VPS13D: variants seen among roughly 807,000 people sequenced by gnomAD.
VPS13D encodes vacuolar protein sorting 13 homolog D.
VPS13D carries 187 observed loss-of-function variants against 461.9 expected under a neutral mutation model. The observed-to-expected ratio is 0.40, with a 90% CI of 0.36 to 0.46. VPS13D has a LOEUF of 0.46. Ranked by LOEUF, VPS13D falls within the 20% of genes least tolerant of loss-of-function variation. VPS13D has a pLI of 0.60. For missense variants in VPS13D, 4,711 were observed against 5,364.9 expected, an observed-to-expected ratio of 0.88 and a Z score of 3.81; for synonymous variants, 1,951 against 1,986.3, an observed-to-expected ratio of 0.98 and a Z score of 0.47.
chr1:12,427,840 T>C (rs1644942162), intron 65 of VPS13D, among the ~76,000 whole-genome samples: 1 of 152,190 alleles, frequency 6.6e-6, no homozygotes. Context: ...AATGCCAGTG[T>C]TGTCTGTGAG....
At chr1:12,457,235 T>C (rs771911592) in intron 66 of VPS13D, among the ~76,000 whole-genome samples, 12 of 152,254 alleles carry the variant, frequency 7.9e-5, no homozygotes, top group Non-Finnish European at 1.3e-4. Context: ...CACACAGCTA[T>C]GTACTGCTTC....
intron 21 of VPS13D, among the ~76,000 whole-genome samples, chr1:12,285,262 T>G (rs1367251023): frequency 1.3e-5 from 2 of 150,542 alleles, no homozygotes; most frequent in African/African-American, 2.4e-5. Context: ...GTATTTTATT[T>G]TATGTATTTA....
At chr1:12,480,384 C>G (rs1221494677) in intron 67 of VPS13D, among the ~76,000 whole-genome samples, 1 of 152,150 alleles carries the variant, frequency 6.6e-6, no homozygotes, top group Non-Finnish European at 1.5e-5. Flanking sequence ...GTTTGGGTGC[C>G]ACGGATCCTG....
chr1:12,376,849 A>G (rs183892981), intron 55 of VPS13D, among the ~76,000 whole-genome samples: 1 of 152,210 alleles, frequency 6.6e-6, no homozygotes. Flanking sequence ...AATGATACAG[A>G]TTGTGCTAGA....
intron 63 of VPS13D, among the ~76,000 whole-genome samples, chr1:12,408,507 G>A (rs566078760): frequency 1.3e-5 from 2 of 152,258 alleles, no homozygotes; most frequent in African/African-American, 2.4e-5. Context: ...GGGATTATAG[G>A]TGCGTGCCAC....
chr1:12,290,764 C>T (rs1317924665), intron 22 of VPS13D, among the ~76,000 whole-genome samples: 2 of 151,892 alleles, frequency 1.3e-5, no homozygotes, highest in African/African-American at 4.8e-5. Flanking sequence ...TATTTCAGTC[C>T]CCTTTGGACT....
At chr1:12,385,471 A>G in intron 59 of VPS13D, 98 bp downstream of exon 59, 2 of 927,460 alleles carry the variant, frequency 2.2e-6, no homozygotes, top group Non-Finnish European at 3.2e-6. Flanking sequence ...TCTATCCTGT[A>G]TGATTCTAAA....
At chr1:12,327,134 C>T (rs1446607924) in intron 35 of VPS13D, among the ~76,000 whole-genome samples, 1 of 152,116 alleles carries the variant, frequency 6.6e-6, no homozygotes, top group African/African-American at 2.4e-5. Flanking sequence ...TGCTGTCGGG[C>T]ACAAAGAGAT....
At chr1:12,308,803 T>C (rs1307676462) in intron 27 of VPS13D, among the ~76,000 whole-genome samples, 162 bp downstream of exon 27, 1 of 151,844 alleles carries the variant, frequency 6.6e-6, no homozygotes, top group East Asian at 1.9e-4. Context: ...AGGCACATGC[T>C]ACCATGCCCG....
chr1:12,447,166 C>T (rs977785835), intron 65 of VPS13D, among the ~76,000 whole-genome samples: 11 of 152,108 alleles, frequency 7.2e-5, no homozygotes, highest in Admixed American at 7.2e-4. Flanking sequence ...GTCAGTTCTG[C>T]TACTTGGGAG....
intron 67 of VPS13D, among the ~76,000 whole-genome samples, chr1:12,472,078 C>T (rs1645569898): frequency 6.6e-6 from 1 of 152,172 alleles, no homozygotes; most frequent in South Asian, 2.1e-4. Context: ...ATTTTTGTCT[C>T]TAAGCTATTT....
At chr1:12,353,308 C>A (rs1432933666) in intron 46 of VPS13D, among the ~76,000 whole-genome samples, 1 of 151,898 alleles carries the variant, frequency 6.6e-6, no homozygotes, top group East Asian at 1.9e-4. Context: ...CCAAGGCAGG[C>A]AGATCACGAG....
At position 12,510,007 on chromosome 1, in the gene VPS13D, A is replaced by G. The variant is rs1646161929; in HGVS notation, c.*983A>G. On this transcript the variant is annotated 3_prime_UTR_variant, in exon 70 of 70. Coordinates refer to ENST00000620676, the MANE Select transcript of VPS13D (RefSeq NM_015378.4). ...AAGCCCCGGGACTGTTTTCTTTTTA[A>G]TAAAGCCACAGGCAGGCATCGTAGC... The G allele has an allele frequency of 6.6e-6, 1 of 152,264 alleles. No individual in the cohort carries two copies. Among genetic ancestry groups the G allele is most frequent in the Non-Finnish European group, 1.5e-5 (1 of 68,046 alleles). The allele number at this position is 152,264 out of a possible 1,614,324, so 9.4% of individuals were successfully genotyped here. A position where few individuals can be genotyped will look rare whatever the true frequency, so the allele number is the denominator to read the frequency against.
intron 33 of VPS13D, 73 bp from the exon 34 acceptor site, chr1:12,322,463 T>G: frequency 7.0e-7 from 1 of 1,437,862 alleles, no homozygotes; most frequent in Non-Finnish European, 9.7e-7. Context: ...AAATAGGAAT[T>G]ACATCTGTAA....
chr1:12,454,424 G>A (rs1645300069), intron 65 of VPS13D, among the ~76,000 whole-genome samples: 2 of 152,220 alleles, frequency 1.3e-5, no homozygotes, highest in Admixed American at 1.3e-4. Flanking sequence ...CATTAGACAG[G>A]CAGTGATATG....
intron 2 of VPS13D, among the ~76,000 whole-genome samples, chr1:12,238,959 T>G (rs1268963779): frequency 1.3e-5 from 2 of 152,006 alleles, no homozygotes; most frequent in Non-Finnish European, 2.9e-5. Context: ...TAGTCCCTGA[T>G]CTCAGAGGAC....
chr1:12,433,629 G>A (rs907600894), intron 65 of VPS13D, among the ~76,000 whole-genome samples: 1 of 152,196 alleles, frequency 6.6e-6, no homozygotes, highest in Non-Finnish European at 1.5e-5. Context: ...GAAAACAGTC[G>A]GCAGCTCCTG....
Position 12,400,288 on chromosome 1 carries a change from A to C in VPS13D, c.11742A>C (p.Ala3914=). ...IETGPAVQVN[A]VKFPSKSALT... ...CCGGCCCAGCTGTGCAAGTCAACGC[A>C]GTGAAGTTCCCCAGTAAGAGTGCAC... Residue 3914 remains alanine, a synonymous_variant, in exon 61 of 70, where the codon GCA becomes GCC. Coordinates refer to ENST00000620676, the MANE Select transcript of VPS13D (RefSeq NM_015378.4). The C allele has an allele frequency of 6.2e-7, 1 of 1,614,168 alleles. No individual in the cohort carries two copies. The highest frequency in any genetic ancestry group is 8.5e-7 in the Non-Finnish European group (1 of 1,180,028).
chr1:12,266,037 C>T (rs1477422532), intron 13 of VPS13D, among the ~76,000 whole-genome samples: 2 of 152,076 alleles, frequency 1.3e-5, no homozygotes, highest in Non-Finnish European at 2.9e-5. Context: ...GTGACATGCT[C>T]CTGTAGTCCT....
Sources: allele counts gnomAD v4.1 joint callset (sites outside exome capture counted in the v4.1 genomes callset), GRCh38; gene constraint gnomAD v4.1.1; transcripts MANE v1.5; gene names NCBI Gene and HGNC (gene_info 2026-07-23, HGNC 2026-07-21).